GULP1: variants seen among roughly 807,000 people sequenced by gnomAD.
GULP1 encodes GULP PTB domain containing engulfment adaptor 1.
In GULP1, 19 loss-of-function variants were observed where a neutral mutation model predicts 40.9. The observed-to-expected ratio is 0.46, with a 90% CI of 0.32 to 0.68. GULP1 has a LOEUF of 0.68. GULP1 is among the 30% of genes least tolerant of loss of function. The probability of loss-of-function intolerance (pLI) is 0.03; values close to 1 mark genes in which losing one functional copy is unlikely to be tolerated. For missense variants in GULP1, 312 were observed against 362.2 expected (o/e 0.86, Z 1.12); for synonymous variants, 119 against 117.6 (o/e 1.01, Z -0.08).
chr2:188,547,735 A>G (rs1372490535), intron 7 of GULP1, among the ~76,000 whole-genome samples: 1 of 152,104 alleles, frequency 6.6e-6, no homozygotes, highest in African/African-American at 2.4e-5. Context: ...TCAATCCAAT[A>G]AAGTTGACGC....
At chr2:188,482,554 G>A (rs1348738559) in intron 3 of GULP1, among the ~76,000 whole-genome samples, 2 of 151,656 alleles carry the variant, frequency 1.3e-5, no homozygotes, top group African/African-American at 2.4e-5. Flanking sequence ...CTCCACATAA[G>A]TGCAGATTCA....
intron 8 of GULP1, chr2:188,569,686 T>C (rs1049853696): frequency 3.0e-5 from 11 of 364,748 alleles, no homozygotes; most frequent in African/African-American, 2.2e-4. Context: ...GGTAATTAAA[T>C]TATGCCTTTC....
intron 2 of GULP1, among the ~76,000 whole-genome samples, chr2:188,394,104 C>G (rs2050899866): frequency 6.6e-6 from 1 of 152,054 alleles, no homozygotes; most frequent in African/African-American, 2.4e-5. Context: ...TTCAATTATT[C>G]ACTCAAAATA....
At chr2:188,507,619 A>C (rs1407036495) in intron 4 of GULP1, among the ~76,000 whole-genome samples, 1 of 151,906 alleles carries the variant, frequency 6.6e-6, no homozygotes, top group Non-Finnish European at 1.5e-5. Context: ...CTCAGAATTG[A>C]GTCAGTATTT....
intron 8 of GULP1, 45 bp from the exon 9 acceptor site, chr2:188,569,983 A>AG: frequency 1.3e-6 from 1 of 775,140 alleles, no homozygotes; most frequent in East Asian, 2.6e-5. Context: ...ATATTTTCCA[A>AG]GAAAAAAAAA....
chr2:188,303,017 A>G (rs1477145805), intron 1 of GULP1, among the ~76,000 whole-genome samples: 2 of 152,130 alleles, frequency 1.3e-5, no homozygotes, highest in African/African-American at 4.8e-5. Context: ...GCCTGTTATG[A>G]TGGTCCTGAA....
At chr2:188,341,875 T>C (rs2043016407) in intron 1 of GULP1, among the ~76,000 whole-genome samples, 2 of 152,216 alleles carry the variant, frequency 1.3e-5, no homozygotes, top group African/African-American at 2.4e-5. Flanking sequence ...TAGAAATTGC[T>C]AGTCTAACTC....
At chr2:188,410,815 A>G (rs984437379) in intron 2 of GULP1, among the ~76,000 whole-genome samples, 6 of 152,162 alleles carry the variant, frequency 3.9e-5, no homozygotes, top group African/African-American at 1.4e-4. Context: ...AAAGATAGTT[A>G]TAAGAAATAG....
rs1704136875 is a variant in GULP1, at chr2:188,594,304, A to G, written c.*293A>G. The stretch of plus-strand genomic sequence containing the variant: ...AATACCTGCCTTGTGTCTGAGTTCT[A>G]TTTAGTTAGCATCTTGAAATTTGTA... On this transcript the variant is annotated 3_prime_UTR_variant, in exon 12 of 12. Transcript: ENST00000409830. 1.0e-5 allele frequency: 2 copies of G among 200,910 alleles called. No homozygotes were observed. Among genetic ancestry groups the G allele is most frequent in the Admixed American group, 6.0e-5 (1 of 16,800 alleles). 12.4% of individuals were successfully genotyped at this position (200,910 alleles called of 1,614,324 possible).
In GULP1 at chr2:188,569,354, G is replaced by A; in HGVS notation, c.515G>A (p.Arg172Lys). 1.4e-6 allele frequency: 2 copies of A among 1,380,370 alleles called. No individual in the cohort carries two copies. Among genetic ancestry groups the A allele is most frequent in the South Asian group, 1.2e-5 (1 of 86,462 alleles). The allele number at this position is 1,380,370 out of a possible 1,614,324, so 85.5% of individuals were successfully genotyped here. Residue 172 changes from arginine (R) to lysine (K), a missense_variant and splice_region_variant, in exon 8 of 12, where the codon AGA becomes AAA. Physicochemically the swap from Arg to Lys is conservative, Grantham distance 26. Coordinates refer to ENST00000409830, the MANE Select transcript of GULP1 (RefSeq NM_016315.4). Reference protein sequence around the residue: ...TRKQIAGLQKRIQDLETENME... With the variant: ...TRKQIAGLQKKIQDLETENME... ...AAACAGATCGCAGGGTTACAAAAAA[G>A]AGTGAGTAAACTAAGCTTGTTGTTT...
At chr2:188,296,023 A>T (rs2034839025) in intron 1 of GULP1, among the ~76,000 whole-genome samples, 1 of 152,110 alleles carries the variant, frequency 6.6e-6, no homozygotes, top group Non-Finnish European at 1.5e-5. Context: ...GAATAAAAAA[A>T]GTTATTTTAT....
At position 188,584,307 on chromosome 2, in the gene GULP1, G is replaced by A. The variant is rs762115675; in HGVS notation, c.652G>A (p.Asp218Asn). Residue 218 changes from aspartate to asparagine, a missense_variant, in exon 10 of 12, where the codon GAT becomes AAT. By Grantham distance (23) the Asp-to-Asn change is conservative. Transcript: ENST00000409830. ...TAAGTCGCCCTCCACTGACATCTTT[G>A]ATATGATTCCATTTTCTCCAATATC... Reference protein sequence around the residue: ...TPKSPSTDIFDMIPFSPISHQ... With the variant: ...TPKSPSTDIFNMIPFSPISHQ... The A allele has an allele frequency of 1.6e-5, 26 of 1,608,698 alleles. No homozygotes were observed. In the South Asian group the frequency reaches 2.2e-4, roughly 14 times the overall value.
intron 2 of GULP1, among the ~76,000 whole-genome samples, chr2:188,414,503 T>G (rs2054329667): frequency 6.6e-6 from 1 of 152,130 alleles, no homozygotes; most frequent in Non-Finnish European, 1.5e-5. Flanking sequence ...GAAAAAAACA[T>G]AAGTTGTGTA....
chr2:188,550,139 T>A (rs912767637), intron 7 of GULP1, among the ~76,000 whole-genome samples: 1 of 151,706 alleles, frequency 6.6e-6, no homozygotes, highest in East Asian at 1.9e-4. Context: ...CACAGCTGAG[T>A]GTAAATCTAA....
chr2:188,525,441 TGTA>T (rs1559342549), intron 5 of GULP1, among the ~76,000 whole-genome samples: 3 of 152,078 alleles, frequency 2.0e-5, no homozygotes, highest in Non-Finnish European at 4.4e-5. Context: ...TTTTCTAAAA[TGTA>T]GTAATTTTAA....
At chr2:188,513,196 T>C (rs886271096) in intron 4 of GULP1, among the ~76,000 whole-genome samples, 1 of 152,156 alleles carries the variant, frequency 6.6e-6, no homozygotes, top group South Asian at 2.1e-4. Context: ...TACTAGTTTG[T>C]AAAATCTGAC....
chr2:188,491,582 G>A (rs2153097274), intron 4 of GULP1: 1 of 152,186 alleles, frequency 6.6e-6, no homozygotes, highest in South Asian at 2.1e-4. Flanking sequence ...TTCAAATATT[G>A]ATTAGGAAAA....
intron 3 of GULP1, among the ~76,000 whole-genome samples, chr2:188,480,541 G>A (rs1342248502): frequency 6.6e-6 from 1 of 151,596 alleles, no homozygotes; most frequent in East Asian, 1.9e-4. Flanking sequence ...TGCTCTAATG[G>A]TGTTAGAGTT....
At chr2:188,507,396 C>CTT (rs5837091) in intron 4 of GULP1, among the ~76,000 whole-genome samples, 5 of 103,520 alleles carry the variant, frequency 4.8e-5, no homozygotes, top group African/African-American at 7.1e-5. Context: ...CATTTGTTTT[C>CTT]TTTTTTTTTT....
Sources: allele counts gnomAD v4.1 joint callset (sites outside exome capture counted in the v4.1 genomes callset), GRCh38; gene constraint gnomAD v4.1.1; transcripts MANE v1.5; gene names NCBI Gene and HGNC (gene_info 2026-07-23, HGNC 2026-07-21).